ABCA9: variants seen among roughly 807,000 people sequenced by gnomAD.
ABCA9 encodes the protein ATP binding cassette subfamily A member 9.
A neutral mutation model predicts 205.3 loss-of-function variants in ABCA9; 183 were observed. The ratio of observed to expected loss-of-function variants is 0.89; its 90% CI spans 0.79 to 1.01. ABCA9 has a LOEUF of 1.01. Ranked by LOEUF, ABCA9 falls within the 50% of genes least tolerant of loss-of-function variation. ABCA9 has a pLI of 0.00. For synonymous variants in ABCA9, 651 were observed against 683.3 expected, an observed-to-expected ratio of 0.95 and a Z score of 0.74; for missense variants, 1,805 against 1,912.4, an observed-to-expected ratio of 0.94 and a Z score of 1.05.
intron 1 of ABCA9, among the ~76,000 whole-genome samples, chr17:69,060,145 C>T (rs929181350): frequency 6.6e-6 from 1 of 151,392 alleles, no homozygotes; most frequent in African/African-American, 2.4e-5. Flanking sequence ...ACTGATTTTT[C>T]CCCCCACTGA....
In ABCA9 at chr17:68,989,785, C is replaced by T. The variant is rs767433715; in HGVS notation, c.3955+28G>A. On this transcript the variant is annotated intron_variant, in intron 30 of 38. Coordinates refer to ENST00000340001, the MANE Select transcript of ABCA9 (RefSeq NM_080283.4). ...AATCCAGTCTTCAGATTCAAGATTG[C>T]TCTACTAATGGAACTACTGTTTCCA... 3 of 1,277,826 alleles carry T rather than the reference C, an allele frequency of 2.3e-6. No individual in the cohort carries two copies. In the South Asian group the frequency reaches 3.7e-5, roughly 16 times the overall value. The allele number at this position is 1,277,826 out of a possible 1,614,324, so 79.2% of individuals were successfully genotyped here. A position where few individuals can be genotyped will look rare whatever the true frequency, so the allele number is the denominator to read the frequency against.
chr17:68,999,003 C>G (rs1023460892), intron 25 of ABCA9, among the ~76,000 whole-genome samples: 1 of 151,908 alleles, frequency 6.6e-6, no homozygotes, highest in Non-Finnish European at 1.5e-5. Context: ...TCATGCAGCA[C>G]CTTTTTATCT....
rs748341190 is a variant in ABCA9, at chr17:69,008,231, T to G, written c.3152A>C (p.Lys1051Thr). The change falls in exon 24 of 39, where the codon AAA becomes ACA. Residue 1051 changes from lysine (K) to threonine (T), a missense_variant. Coordinates refer to ENST00000340001, the MANE Select transcript of ABCA9 (RefSeq NM_080283.4). ...TGAAATCCGTAGCTGGGAATGAGCT[T>G]TTTTCTGATAAAGAAATAGAAGAAT... Reference protein sequence around the residue: ...AMSSIGDYKKKAHSQLRISGL... With the variant: ...AMSSIGDYKKTAHSQLRISGL... 1 of 1,611,566 alleles carries G rather than the reference T, an allele frequency of 6.2e-7. No homozygotes were observed.
chr17:69,038,088 CAAA>C (rs1228531601), intron 6 of ABCA9, among the ~76,000 whole-genome samples: 2 of 151,886 alleles, frequency 1.3e-5, no homozygotes, highest in Non-Finnish European at 2.9e-5. Flanking sequence ...GCCTACCAAC[CAAA>C]AAAAGCTCAG....
At chr17:69,077,068 C>T in the ABCA9 span, among the ~76,000 whole-genome samples, 1 of 151,860 alleles carries the variant, frequency 6.6e-6, no homozygotes, top group Non-Finnish European at 1.5e-5. Flanking sequence ...GGATTTTGTT[C>T]TTGTTCTTCT....
Position 68,983,732 on chromosome 17 carries a change from G to A in ABCA9, c.4617C>T (p.Phe1539=). ...ACCTTTCCTGCTGAGCAGCCTGGGGGAAAAGCCTCAGGATCTCTGCATGGA... is the reference window on the plus strand; with the variant it reads ...ACCTTTCCTGCTGAGCAGCCTGGGGAAAAAGCCTCAGGATCTCTGCATGGA... The part of the protein sequence containing the change: ...EPLHAEILRL[F]PQAAQQERFS... The change falls in exon 36 of 39, where the codon TTC becomes TTT. Residue 1539 remains phenylalanine (F), a synonymous_variant. Transcript: ENST00000340001. 3.1e-6 allele frequency: 5 copies of A among 1,614,182 alleles called. No individual in the cohort carries two copies. Among genetic ancestry groups the A allele is most frequent in the Non-Finnish European group, 4.2e-6 (5 of 1,180,018 alleles).
intron 8 of ABCA9, 190 bp downstream of exon 8, chr17:69,035,056 T>C: frequency 2.4e-6 from 1 of 416,718 alleles, no homozygotes; most frequent in Non-Finnish European, 4.2e-6. Flanking sequence ...AAGGGTATGA[T>C]CCTATATTTA....
upstream of ABCA9, among the ~76,000 whole-genome samples, chr17:69,063,863 C>T (rs1267455052): frequency 1.3e-5 from 2 of 152,194 alleles, no homozygotes; most frequent in South Asian, 2.1e-4. Flanking sequence ...TGAGCCACCG[C>T]GCCTGGCCCT....
At chr17:69,020,220 T>C (rs1340247224) in intron 19 of ABCA9, among the ~76,000 whole-genome samples, 168 bp downstream of exon 19, 2 of 152,220 alleles carry the variant, frequency 1.3e-5, no homozygotes, top group Non-Finnish European at 2.9e-5. Flanking sequence ...TTTAATTATA[T>C]ATCCACATGA....
intron 6 of ABCA9, among the ~76,000 whole-genome samples, chr17:69,038,371 G>A (rs2079807): frequency 0.28 from 43,112 of 151,972 alleles, 6,604 homozygotes; most frequent in East Asian, 0.63. Context: ...TATCCACCAT[G>A]ATCAACTTGG....
At chr17:68,986,482 A>G in intron 31 of ABCA9, 158 bp from the exon 32 acceptor site, 3 of 630,980 alleles carry the variant, frequency 4.8e-6, no homozygotes, top group Non-Finnish European at 7.4e-6. Context: ...AAAAGGTGGT[A>G]AAAGCCCACT....
At chr17:69,018,259 C>A (rs990270883) in intron 20 of ABCA9, 154 bp downstream of exon 20, 1 of 618,922 alleles carries the variant, frequency 1.6e-6, no homozygotes, top group Admixed American at 3.8e-5. Context: ...TCTCCCATGT[C>A]GTATTTTTCA....
chr17:69,015,630 T>C (rs2070562094), intron 22 of ABCA9, among the ~76,000 whole-genome samples: 1 of 152,158 alleles, frequency 6.6e-6, no homozygotes, highest in African/African-American at 2.4e-5. Flanking sequence ...ACTGAGCACC[T>C]GCAGTTGTCC....
At chr17:69,008,286 G>C (rs2144181725) in intron 23 of ABCA9, 51 bp from the exon 24 acceptor site, 2 of 1,533,382 alleles carry the variant, frequency 1.3e-6, no homozygotes, top group Non-Finnish European at 1.8e-6. Context: ...GCTGAAGTTT[G>C]GGAAATTGCA....
upstream of ABCA9, among the ~76,000 whole-genome samples, chr17:69,064,971 T>C (rs2072331398): frequency 1.3e-5 from 2 of 152,230 alleles, no homozygotes; most frequent in Non-Finnish European, 2.9e-5. Flanking sequence ...GAAAATGTCT[T>C]ATATTTCTCA....
chr17:69,022,624 T>C (rs2070856194), intron 17 of ABCA9, among the ~76,000 whole-genome samples: 1 of 151,942 alleles, frequency 6.6e-6, no homozygotes, highest in Non-Finnish European at 1.5e-5. Context: ...TGCCTCAGCC[T>C]CCCAAAGGGC....
chr17:69,039,015 A>G (rs1294005210), intron 6 of ABCA9, among the ~76,000 whole-genome samples: 2 of 152,222 alleles, frequency 1.3e-5, no homozygotes, highest in Non-Finnish European at 2.9e-5. Flanking sequence ...AGGGATACTA[A>G]GGACCTCTTC....
intron 21 of ABCA9, among the ~76,000 whole-genome samples, chr17:69,017,195 T>C (rs965799028): frequency 5.3e-5 from 8 of 152,112 alleles, no homozygotes; most frequent in African/African-American, 1.9e-4. Context: ...GATTTATGCA[T>C]TTAACATAAT....
At chr17:69,065,678 C>G (rs933567536), upstream of ABCA9, among the ~76,000 whole-genome samples, 3 of 152,180 alleles carry the variant, frequency 2.0e-5, no homozygotes, top group African/African-American at 7.2e-5. Flanking sequence ...TCAGCTCCTA[C>G]TTTTCCTTCA....
Sources: allele counts gnomAD v4.1 joint callset (sites outside exome capture counted in the v4.1 genomes callset), GRCh38; gene constraint gnomAD v4.1.1; transcripts MANE v1.5; gene names NCBI Gene and HGNC (gene_info 2026-07-23, HGNC 2026-07-21).